The following RANBP2 variants were observed in gnomAD, a reference collection of about 807,000 sequenced individuals.
RANBP2 encodes E3 SUMO-protein ligase RanBP2.
RANBP2 carries 57 observed loss-of-function variants against 303.6 expected under a neutral mutation model. The ratio of observed to expected loss-of-function variants is 0.19; its 90% CI spans 0.15 to 0.23. RANBP2 has a LOEUF of 0.23. Ranked by LOEUF, RANBP2 falls within the 10% of genes least tolerant of loss-of-function variation. The probability of loss-of-function intolerance (pLI) is 1.00; values close to 1 mark genes in which losing one functional copy is unlikely to be tolerated. For missense variants in RANBP2, 3,138 were observed against 3,780.8 expected (o/e 0.83, Z 4.46); for synonymous variants, 1,167 against 1,301.5 (o/e 0.90, Z 2.23).
chr2:109,084,722 G>A, the RANBP2 span, among the ~76,000 whole-genome samples: 3 of 152,156 alleles, frequency 2.0e-5, no homozygotes, highest in Non-Finnish European at 4.4e-5. Context: ...TCCTCATCCT[G>A]AGGACCAGGA....
the RANBP2 span, among the ~76,000 whole-genome samples, chr2:109,689,241 C>G: frequency 6.6e-6 from 1 of 152,116 alleles, no homozygotes; most frequent in South Asian, 2.1e-4. Context: ...TTACCTCTGC[C>G]TGAAAATCTG....
At chr2:109,114,111 C>T in the RANBP2 span, among the ~76,000 whole-genome samples, 1 of 152,114 alleles carries the variant, frequency 6.6e-6, no homozygotes, top group Non-Finnish European at 1.5e-5. Context: ...TTGGTTGTGT[C>T]TCTGCCCAGC....
chr2:109,034,662 G>A, the RANBP2 span, among the ~76,000 whole-genome samples: 1 of 152,206 alleles, frequency 6.6e-6, no homozygotes, highest in South Asian at 2.1e-4. Flanking sequence ...TCATCATCCT[G>A]TACTCCTAGA....
the RANBP2 span, among the ~76,000 whole-genome samples, chr2:109,253,097 A>C: frequency 4.6e-5 from 7 of 151,864 alleles, no homozygotes; most frequent in African/African-American, 1.7e-4. Context: ...GTGCGATCTC[A>C]GGTCACTGCA....
the RANBP2 span, among the ~76,000 whole-genome samples, chr2:109,574,208 G>T: frequency 6.6e-6 from 1 of 151,334 alleles, no homozygotes; most frequent in Admixed American, 6.6e-5. Context: ...AGAGACCAAG[G>T]AAGGAAAATC....
At chr2:109,104,490 C>CTT in the RANBP2 span, among the ~76,000 whole-genome samples, 48 of 144,798 alleles carry the variant, frequency 3.3e-4, no homozygotes, top group East Asian at 1.2e-3. Context: ...TTTTATGTTT[C>CTT]TTTTTTTTTT....
At chr2:109,460,886 A>C in the RANBP2 span, among the ~76,000 whole-genome samples, 22 of 152,150 alleles carry the variant, frequency 1.4e-4, no homozygotes, top group Non-Finnish European at 1.8e-4. Context: ...CTTTCCCTTC[A>C]CTGCTGTCCC....
At chr2:109,304,632 T>C in the RANBP2 span, among the ~76,000 whole-genome samples, 10 of 152,224 alleles carry the variant, frequency 6.6e-5, no homozygotes, top group Non-Finnish European at 8.8e-5. Flanking sequence ...TATTTGAGTT[T>C]GTATTTAAAT....
the RANBP2 span, among the ~76,000 whole-genome samples, chr2:109,142,042 C>G: frequency 1.9e-4 from 22 of 112,886 alleles, no homozygotes; most frequent in Admixed American, 1.8e-3. Context: ...CTTGAGTCTC[C>G]TGGGGGGGGG....
chr2:109,589,293 G>C, the RANBP2 span, among the ~76,000 whole-genome samples: 1 of 152,084 alleles, frequency 6.6e-6, no homozygotes, highest in African/African-American at 2.4e-5. Flanking sequence ...AGCACTTTAG[G>C]AGGCCAAGGC....
At chr2:109,326,295 A>G in the RANBP2 span, among the ~76,000 whole-genome samples, 6 of 152,074 alleles carry the variant, frequency 3.9e-5, no homozygotes, top group Non-Finnish European at 8.8e-5. Flanking sequence ...ACAGTTTTTC[A>G]TGGATCTGAG....
At chr2:108,978,047 G>A in the RANBP2 span, among the ~76,000 whole-genome samples, 2 of 152,208 alleles carry the variant, frequency 1.3e-5, no homozygotes, top group African/African-American at 2.4e-5. Context: ...GTTCAAAGTC[G>A]TTCTTCCTTC....
the RANBP2 span, among the ~76,000 whole-genome samples, chr2:109,274,003 A>T: frequency 2.0e-5 from 3 of 152,202 alleles, no homozygotes; most frequent in South Asian, 4.1e-4. Context: ...TACTTACCAT[A>T]GTTCTGGGCT....
At chr2:109,565,788 G>A in the RANBP2 span, 1 of 1,613,912 alleles carries the variant, frequency 6.2e-7, no homozygotes, top group Non-Finnish European at 8.5e-7. Flanking sequence ...AAGGGTACTG[G>A]CGAGCTTTGA....
At chr2:109,607,497 T>C in the RANBP2 span, among the ~76,000 whole-genome samples, 9 of 152,154 alleles carry the variant, frequency 5.9e-5, no homozygotes, top group South Asian at 6.2e-4. Context: ...AATAAATAAA[T>C]AAACAAATGG....
the RANBP2 span, among the ~76,000 whole-genome samples, chr2:109,077,588 T>A: frequency 6.6e-6 from 1 of 150,380 alleles, no homozygotes; most frequent in Non-Finnish European, 1.5e-5. Context: ...CAAAATATAT[T>A]AGGTACACAT....
At chr2:108,976,791 C>T in the RANBP2 span, among the ~76,000 whole-genome samples, 1 of 152,112 alleles carries the variant, frequency 6.6e-6, no homozygotes, top group African/African-American at 2.4e-5. Flanking sequence ...AGACATACTA[C>T]CATTTTTTTT....
the RANBP2 span, chr2:108,910,837 G>C: frequency 6.2e-7 from 1 of 1,614,080 alleles, no homozygotes; most frequent in South Asian, 1.1e-5. Context: ...TCCCCGGGTG[G>C]CTGGTGCAAC....
At chr2:109,438,015 A>G in the RANBP2 span, among the ~76,000 whole-genome samples, 1 of 152,236 alleles carries the variant, frequency 6.6e-6, no homozygotes, top group Non-Finnish European at 1.5e-5. Context: ...TGTTTTTCTC[A>G]AAGTGAGGCT....
Sources: gnomAD v4.1 joint callset for allele counts (sites outside exome capture counted in the v4.1 genomes callset) on GRCh38, gnomAD v4.1.1 for gene constraint, MANE v1.5 for transcripts, NCBI Gene and HGNC (gene_info 2026-07-23, HGNC 2026-07-21) for gene names.